The following CROCC2 variants were observed in gnomAD, a reference collection of about 807,000 sequenced individuals.
CROCC2 encodes the protein ciliary rootlet coiled-coil, rootletin family member 2.
A neutral mutation model predicts 177.6 loss-of-function variants in CROCC2; 163 were observed. The observed-to-expected ratio is 0.92, with a 90% CI of 0.81 to 1.05. The LOEUF (loss-of-function observed/expected upper bound fraction) is 1.05. Among genes scored for constraint, CROCC2 ranks in the 50% least tolerant of loss-of-function variants. The pLI is 0.00. For synonymous variants in CROCC2, 904 were observed against 787.3 expected (o/e 1.15, Z -2.48); for missense variants, 1,929 against 1,797.8 (o/e 1.07, Z -1.32).
rs1426330385 is a variant in CROCC2 at position 240,950,218 on chromosome 2, C to T, written c.2653-116C>T. 3 of 1,051,768 alleles carry T rather than the reference C, an allele frequency of 2.9e-6. No individual in the cohort carries two copies. The African/African-American group carries it at 4.8e-5, about 17-fold the overall frequency. The allele number at this position is 1,051,768 out of a possible 1,614,324, so 65.2% of individuals were successfully genotyped here. ...GGGGTGTGCAGCTGGCTGGTCTGGA[C>T]AGCCCCTGGGGTCCATCAGCCCTGG... is the stretch of plus-strand genomic sequence containing the variant. On this transcript the variant is annotated intron_variant, in intron 17 of 31. Coordinates refer to ENST00000690015, the MANE Select transcript of CROCC2 (RefSeq NM_001351305.2).
intron 27 of CROCC2, among the ~76,000 whole-genome samples, chr2:240,975,688 G>A (rs2059755849): frequency 6.7e-6 from 1 of 149,862 alleles, no homozygotes; most frequent in Non-Finnish European, 1.5e-5. Flanking sequence ...TTCCCTGGGG[G>A]CATCTCAGAA....
Position 240,946,054 on chromosome 2 carries a change from C to T in CROCC2, c.2170-6C>T. On this transcript the variant is annotated splice_polypyrimidine_tract_variant and splice_region_variant and intron_variant, in intron 14 of 31. Coordinates refer to ENST00000690015, the MANE Select transcript of CROCC2 (RefSeq NM_001351305.2). ...CTGCCGACTGTCCCCTCCCCACCTC[C>T]CCTAGGTCACATGCCAGAAACAGGC... 1 of 1,504,576 alleles carries T rather than the reference C, an allele frequency of 6.6e-7. No individual in the cohort carries two copies. Among genetic ancestry groups the T allele is most frequent in the Non-Finnish European group, 9.0e-7 (1 of 1,113,888 alleles). 93.2% of individuals were successfully genotyped at this position (1,504,576 alleles called of 1,614,324 possible).
rs374942015 is a variant in CROCC2, at chr2:240,951,659, G to A, written c.2829+1149G>A. Among the ~76,000 whole-genome samples, 19 of 150,476 alleles carry A rather than the reference G, an allele frequency of 1.3e-4. 1 individual carries two copies. The highest frequency in any genetic ancestry group is 4.2e-4 in the African/African-American group (17 of 40,834). Reference sequence around the variant, plus strand: ...ATGCACCCAACCTTCCATCCACACAGCTATCCACAACCCATCTGACCATCC... The same window carrying A: ...ATGCACCCAACCTTCCATCCACACAACTATCCACAACCCATCTGACCATCC... On this transcript the variant is annotated intron_variant, in intron 18 of 31. Transcript: ENST00000690015.
chr2:240,961,665 A>G (rs369982632), intron 20 of CROCC2, among the ~76,000 whole-genome samples: 24,311 of 143,988 alleles, frequency 0.17, 2,087 homozygotes, highest in African/African-American at 0.2. Flanking sequence ...ACACACGTAC[A>G]CACACACGTA....
chr2:240,954,245 A>G (rs1159249275), intron 18 of CROCC2, among the ~76,000 whole-genome samples: 1 of 152,162 alleles, frequency 6.6e-6, no homozygotes, highest in East Asian at 1.9e-4. Flanking sequence ...TAATATGCCC[A>G]TGCAATTCTG....
rs2059617147 is a variant in CROCC2, at chr2:240,959,517, A to G, written c.3087+73A>G. ...AAAGCAGGGCAGGTACCAAGAGAGG[A>G]GAGAGTGGGGGTGCCAGGAGGAAAG... On this transcript the variant is annotated intron_variant, in intron 20 of 31. Transcript: ENST00000690015. 2.7e-6 allele frequency: 4 copies of G among 1,502,228 alleles called. No homozygotes were observed. In the Admixed American group the frequency reaches 8.8e-5, roughly 33 times the overall value. The allele number at this position is 1,502,228 out of a possible 1,614,324, so 93.1% of individuals were successfully genotyped here. A position where few individuals can be genotyped will look rare whatever the true frequency, so the allele number is the denominator to read the frequency against.
intron 24 of CROCC2, 47 bp from the exon 25 acceptor site, chr2:240,966,178 T>A (rs1559608905): frequency 1.7e-6 from 2 of 1,188,778 alleles, no homozygotes; most frequent in Non-Finnish European, 2.1e-6. Flanking sequence ...GGCGTGTATC[T>A]GTCACTGTGT....
Position 240,965,502 on chromosome 2 carries a change from AG to A in CROCC2, c.3590del (p.Gly1197ValfsTer196). The A allele has an allele frequency of 1.3e-6, 2 of 1,550,234 alleles. No individual in the cohort carries two copies. Among genetic ancestry groups the A allele is most frequent in the Non-Finnish European group, 1.7e-6 (2 of 1,146,956 alleles). ...RQAAKAEAKH[E>X]GARKEVLGLQ... ...GCAGCCAAGGCAGAGGCCAAGCACG[AG>A]GGTGCCCGGAAGGAGGTGGGAGGGC... On this transcript the variant is annotated frameshift_variant, in exon 23 of 32. Coordinates refer to ENST00000690015, the MANE Select transcript of CROCC2 (RefSeq NM_001351305.2). LOFTEE classifies it high-confidence loss of function.
intron 31 of CROCC2, among the ~76,000 whole-genome samples, chr2:240,992,101 T>C (rs1001799576): frequency 2.6e-5 from 4 of 152,214 alleles, no homozygotes; most frequent in African/African-American, 9.6e-5. Flanking sequence ...TGGGTTGCTA[T>C]GGAGACCCAG....
intron 1 of CROCC2, among the ~76,000 whole-genome samples, chr2:240,911,402 A>T (rs1249080068): frequency 1.3e-5 from 2 of 150,892 alleles, no homozygotes; most frequent in Non-Finnish European, 2.9e-5. Flanking sequence ...TCTTCAAGCA[A>T]TTCTCGTGCT....
At position 240,946,205 on chromosome 2, in the gene CROCC2, C is replaced by G; in HGVS notation, c.2315C>G (p.Ala772Gly). The G allele has an allele frequency of 6.5e-7, 1 of 1,545,962 alleles. No individual in the cohort carries two copies. Among genetic ancestry groups the G allele is most frequent in the South Asian group, 1.2e-5 (1 of 83,902 alleles). Residue 772 changes from alanine (A) to glycine (G), a missense_variant, in exon 15 of 32, where the codon GCC becomes GGC. Ala to Gly is a moderately conservative substitution (Grantham distance 60). This residue lies in a region of CROCC2 where 1,397 missense variants were observed against 1,239.9 expected (regional missense o/e 1.13). Transcript: ENST00000690015. The part of the protein sequence containing the change: ...ERAQLLAKQE[A>G]LERQGRLAAE... ...GCCCAGCTGCTGGCCAAGCAGGAGG[C>G]CTTGGAGAGGCAGGGCCGGCTCGCA... is the stretch of plus-strand genomic sequence containing the variant.
At chr2:240,970,787 C>T (rs1358416986) in intron 27 of CROCC2, among the ~76,000 whole-genome samples, 1 of 152,208 alleles carries the variant, frequency 6.6e-6, no homozygotes, top group African/African-American at 2.4e-5. Flanking sequence ...CAGCAGCCCA[C>T]ACCTGGTGCA....
rs944466975 is a variant in CROCC2, at chr2:240,918,142, C to T, written c.79-584C>T. The stretch of plus-strand genomic sequence containing the variant: ...TTTCATGAAGGACCCACCTGGGTCC[C>T]GATGGACCGAGCCTGTGGAGGGGCA... On this transcript the variant is annotated intron_variant, in intron 1 of 31. Transcript: ENST00000690015. This position sits in a 1 kb window ranked among gnomAD's most constrained non-coding sequence, Gnocchi z 6.3. 3.3e-5 allele frequency among the ~76,000 whole-genome samples: 5 copies of T among 152,220 alleles called. No individual in the cohort carries two copies. Among genetic ancestry groups the T allele is most frequent in the African/African-American group, 1.2e-4 (5 of 41,454 alleles).
At chr2:240,985,661 A>ACTCCG in intron 28 of CROCC2, among the ~76,000 whole-genome samples, 1 of 59,678 alleles carries the variant, frequency 1.7e-5, no homozygotes, top group South Asian at 7.8e-4. Flanking sequence ...CACACCCAGC[A>ACTCCG]CACACACCCA....
At chr2:240,932,230 C>A in intron 7 of CROCC2, 88 bp from the exon 8 acceptor site, 1 of 646,370 alleles carries the variant, frequency 1.5e-6, no homozygotes, top group Non-Finnish European at 2.9e-6. Context: ...GGCCACCGCA[C>A]AAAGGAGTCC....
intron 14 of CROCC2, 147 bp downstream of exon 14, chr2:240,935,735 C>T (rs2059465140): frequency 3.6e-6 from 2 of 563,072 alleles, no homozygotes; most frequent in Non-Finnish European, 5.6e-6. Flanking sequence ...CAGTGCTGGC[C>T]TCCCCGTGGG....
intron 1 of CROCC2, among the ~76,000 whole-genome samples, chr2:240,909,601 C>A (rs563958480): frequency 2.0e-5 from 3 of 152,188 alleles, no homozygotes; most frequent in Non-Finnish European, 2.9e-5. Flanking sequence ...AATCCCAGGC[C>A]GATGCTGACA....
intron 13 of CROCC2, 68 bp downstream of exon 13, chr2:240,935,130 C>T (rs1169996820): frequency 7.5e-7 from 1 of 1,326,060 alleles, no homozygotes; most frequent in South Asian, 2.2e-5. Flanking sequence ...GGTCTCCCAG[C>T]CCTAGGCCTT....
At chr2:240,928,377 G>T in intron 5 of CROCC2, among the ~76,000 whole-genome samples, 1 of 151,456 alleles carries the variant, frequency 6.6e-6, no homozygotes. Context: ...TTCTGGACAG[G>T]CAGTTTTCCT....
Sources: allele counts gnomAD v4.1 joint callset (sites outside exome capture counted in the v4.1 genomes callset), GRCh38; gene constraint gnomAD v4.1.1; regional missense constraint gnomAD v4.1.1; non-coding constraint Gnocchi (gnomAD v3.1); transcripts MANE v1.5; gene names NCBI Gene and HGNC (gene_info 2026-07-23, HGNC 2026-07-21).